HTR4: variants seen among roughly 807,000 people sequenced by gnomAD.
The protein encoded by HTR4 is 5-hydroxytryptamine (serotonin) receptor 4, G protein-coupled.
In HTR4, 16 loss-of-function variants were observed where a neutral mutation model predicts 36.8. The observed-to-expected ratio is 0.43, with a 90% CI of 0.29 to 0.66. The LOEUF (loss-of-function observed/expected upper bound fraction) is 0.66, where lower values mean the gene tolerates loss of function less well. Among genes scored for constraint, HTR4 ranks in the 30% least tolerant of loss-of-function variants. HTR4 has a pLI of 0.13. For synonymous variants in HTR4, 189 were observed against 185.1 expected (o/e 1.02, Z -0.17); for missense variants, 438 against 490.9 (o/e 0.89, Z 1.02).
chr5:148,497,662 G>T, intron 6 of HTR4, among the ~76,000 whole-genome samples: 1 of 152,134 alleles, frequency 6.6e-6, no homozygotes, highest in East Asian at 1.9e-4. Flanking sequence ...ATAAAACCAA[G>T]ACAGATATTG....
At chr5:148,453,409 A>G (rs1392999138) in intron 5 of HTR4, among the ~76,000 whole-genome samples, 1 of 152,234 alleles carries the variant, frequency 6.6e-6, no homozygotes, top group Non-Finnish European at 1.5e-5. Context: ...GTTAACGACT[A>G]TATGCCTAGT....
intron 5 of HTR4, among the ~76,000 whole-genome samples, chr5:148,466,321 A>C (rs1755427549): frequency 6.6e-6 from 1 of 152,160 alleles, no homozygotes; most frequent in African/African-American, 2.4e-5. Flanking sequence ...CACTTCCTCC[A>C]TATAGTCATC....
chr5:148,592,176 A>G (rs1761598850), intron 2 of HTR4, among the ~76,000 whole-genome samples: 1 of 152,180 alleles, frequency 6.6e-6, no homozygotes, highest in African/African-American at 2.4e-5. Flanking sequence ...AGTGGGAGCT[A>G]AATGATAACT....
chr5:148,467,467 C>A (rs557629429), intron 5 of HTR4, among the ~76,000 whole-genome samples: 1 of 152,120 alleles, frequency 6.6e-6, no homozygotes, highest in Admixed American at 6.5e-5. Flanking sequence ...AATTACTGAG[C>A]AAATTCTGGC....
chr5:148,552,088 T>C (rs940912415), intron 2 of HTR4, among the ~76,000 whole-genome samples: 3 of 152,170 alleles, frequency 2.0e-5, no homozygotes, highest in Admixed American at 6.5e-5. Flanking sequence ...GGAAGCAGCC[T>C]GCAAAGTCAT....
chr5:148,569,142 C>G (rs1368603772), intron 2 of HTR4, among the ~76,000 whole-genome samples: 1 of 151,772 alleles, frequency 6.6e-6, no homozygotes, highest in East Asian at 1.9e-4. Flanking sequence ...GCAGAGAGTT[C>G]AGTCATATTT....
At position 148,596,783 on chromosome 5, in the gene HTR4, CATCTTTCATTCATTCTGCAT is replaced by C. The variant is rs535587708; in HGVS notation, c.26+40186_26+40205del. Reference sequence around the variant, plus strand: ...CTCTGATTTTTCCTGCCTCCATGTCCATCTTTCATTCATTCTGCATATATTTTACTGAACATTGACTCTAT... The same window carrying C: ...CTCTGATTTTTCCTGCCTCCATGTCCATATTTTACTGAACATTGACTCTAT... On this transcript the variant is annotated intron_variant, in intron 2 of 6. Transcript: ENST00000377888. Among the ~76,000 whole-genome samples, 902 of 152,216 alleles carry C rather than the reference CATCTTTCATTCATTCTGCAT, an allele frequency of 5.9e-3. 5 individuals carry two copies. Among genetic ancestry groups the C allele is most frequent in the Admixed American group, 0.017 (257 of 15,276 alleles).
At chr5:148,600,339 A>T (rs572479015) in intron 2 of HTR4, among the ~76,000 whole-genome samples, 28 of 134,998 alleles carry the variant, frequency 2.1e-4, no homozygotes, top group African/African-American at 7.5e-4. Flanking sequence ...TATATTATTT[A>T]TATATATATA....
At chr5:148,500,677 AG>A (rs1756896034) in intron 6 of HTR4, among the ~76,000 whole-genome samples, 1 of 152,082 alleles carries the variant, frequency 6.6e-6, no homozygotes, top group Non-Finnish European at 1.5e-5. Context: ...AATACAACAA[AG>A]TTGTCACAAA....
chr5:148,520,897 C>T (rs752065060), intron 5 of HTR4: 3 of 1,367,618 alleles, frequency 2.2e-6, no homozygotes, highest in African/African-American at 1.5e-5. Context: ...TTTCAGAATC[C>T]TAAGGAATAC....
chr5:148,626,965 C>T (rs1007171376), intron 2 of HTR4, among the ~76,000 whole-genome samples: 3 of 152,168 alleles, frequency 2.0e-5, no homozygotes, highest in Admixed American at 1.3e-4. Flanking sequence ...TCCCTATGCA[C>T]CACACTTCTT....
At position 148,572,424 on chromosome 5, in the gene HTR4, C is replaced by T. The variant is rs1340206582; in HGVS notation, c.27-22162G>A. Among the ~76,000 whole-genome samples, 4 of 151,920 alleles carry T rather than the reference C, an allele frequency of 2.6e-5. No individual in the cohort carries two copies. The East Asian group carries it at 5.8e-4, about 22-fold the overall frequency. On this transcript the variant is annotated intron_variant, in intron 2 of 6. Transcript: ENST00000377888. ...TAGTCCAGAACAGGATATCTTAATC[C>T]CTATGATAGACAAATGTAATAATAT...
chr5:148,654,309 T>G lies in HTR4; in HGVS notation c.-295A>C. The G allele has an allele frequency of 1.0e-6, 1 of 984,400 alleles. No individual in the cohort carries two copies. Among genetic ancestry groups the G allele is most frequent in the Non-Finnish European group, 1.2e-6 (1 of 829,326 alleles). The allele number at this position is 984,400 out of a possible 1,614,324, so 61.0% of individuals were successfully genotyped here. ...ACCTGGGCTCGCCGCGCATCGTCCTTCTCCCCAACCGAGCCGGACTCCACG... is the reference window on the plus strand; with the variant it reads ...ACCTGGGCTCGCCGCGCATCGTCCTGCTCCCCAACCGAGCCGGACTCCACG... On this transcript the variant is annotated 5_prime_UTR_variant, in exon 1 of 7. Coordinates refer to ENST00000377888, the MANE Select transcript of HTR4 (RefSeq NM_000870.7).
In HTR4 at chr5:148,453,067, C is replaced by T. The variant is rs114777226; in HGVS notation, c.1077-1795G>A. On this transcript the variant is annotated intron_variant, in intron 5 of 5. Transcript: ENST00000521530. Reference sequence around the variant, plus strand: ...GGAAGCTGGAGGAAGGAAAGGGGCTCGCTCCTGTGAGCTTTCTGTCTGCTG... The same window carrying T: ...GGAAGCTGGAGGAAGGAAAGGGGCTTGCTCCTGTGAGCTTTCTGTCTGCTG... Among the ~76,000 whole-genome samples, 655 of 152,300 alleles carry T rather than the reference C, an allele frequency of 4.3e-3. 7 individuals carry two copies. The highest frequency in any genetic ancestry group is 0.015 in the African/African-American group (629 of 41,566).
chr5:148,639,387 C>T (rs1027063352), intron 1 of HTR4, among the ~76,000 whole-genome samples: 11 of 152,018 alleles, frequency 7.2e-5, no homozygotes, highest in Admixed American at 6.6e-4. Flanking sequence ...CACCAGCTCA[C>T]TGGTTTTGCT....
chr5:148,543,946 G>C (rs1485655293), intron 4 of HTR4, among the ~76,000 whole-genome samples: 1 of 152,166 alleles, frequency 6.6e-6, no homozygotes, highest in African/African-American at 2.4e-5. Context: ...GACCTCAGAG[G>C]GAACTCCCAG....
At chr5:148,642,799 C>A (rs947817300) in intron 1 of HTR4, among the ~76,000 whole-genome samples, 6 of 152,152 alleles carry the variant, frequency 3.9e-5, no homozygotes, top group Non-Finnish European at 7.4e-5. Flanking sequence ...GGGAAACATT[C>A]AGAATTTATA....
chr5:148,554,932 A>G (rs1044663141), intron 2 of HTR4, among the ~76,000 whole-genome samples: 1 of 152,174 alleles, frequency 6.6e-6, no homozygotes, highest in East Asian at 1.9e-4. Flanking sequence ...TAGTTTTCTT[A>G]GGATAATGGC....
At chr5:148,583,402 T>C (rs1222133778) in intron 2 of HTR4, among the ~76,000 whole-genome samples, 2 of 151,782 alleles carry the variant, frequency 1.3e-5, no homozygotes, top group Admixed American at 1.3e-4. Context: ...ACCTGCACAT[T>C]GTGCACATGT....
Sources: gnomAD v4.1 joint callset for allele counts (sites outside exome capture counted in the v4.1 genomes callset) on GRCh38, gnomAD v4.1.1 for gene constraint, MANE v1.5 for transcripts, NCBI Gene and HGNC (gene_info 2026-07-23, HGNC 2026-07-21) for gene names.